The following RBPJ variants were observed in gnomAD, a reference collection of about 807,000 sequenced individuals.
RBPJ encodes the protein recombination signal binding protein for immunoglobulin kappa J region.
RBPJ carries 9 observed loss-of-function variants against 67.8 expected under a neutral mutation model. The ratio of observed to expected loss-of-function variants is 0.13; its 90% confidence interval spans 0.08 to 0.23. RBPJ has a LOEUF of 0.23. Among genes scored for constraint, RBPJ ranks in the 10% least tolerant of loss-of-function variants. The pLI, the probability that RBPJ is intolerant of heterozygous loss-of-function variation, is 1.00. For synonymous variants in RBPJ, 198 were observed against 203.3 expected (o/e 0.97, Z 0.22); for missense variants, 305 against 595.6 (o/e 0.51, Z 5.08).
intron 2 of RBPJ, among the ~76,000 whole-genome samples, chr4:26,393,841 A>T (rs984617183): frequency 7.1e-6 from 1 of 141,754 alleles, no homozygotes; most frequent in African/African-American, 2.8e-5. Flanking sequence ...TTTATTCCTT[A>T]AAAAAAAAAA....
chr4:26,142,180 A>T, the RBPJ span, among the ~76,000 whole-genome samples: 8 of 152,252 alleles, frequency 5.3e-5, no homozygotes, highest in African/African-American at 1.9e-4. Context: ...AGAAGTACAG[A>T]TGTGAGTAGT....
chr4:26,119,234 T>G, the RBPJ span, among the ~76,000 whole-genome samples: 1 of 152,154 alleles, frequency 6.6e-6, no homozygotes, highest in Admixed American at 6.5e-5. Flanking sequence ...TCACATCCAT[T>G]GTCTCATTTC....
At chr4:26,296,438 T>G (rs535573831) in intron 1 of RBPJ, among the ~76,000 whole-genome samples, 58 of 152,230 alleles carry the variant, frequency 3.8e-4, no homozygotes, top group African/African-American at 1.3e-3. Flanking sequence ...TAAGTTAGGG[T>G]GATATTAATC....
chr4:26,181,173 T>A (rs769902182), intron 1 of RBPJ, among the ~76,000 whole-genome samples: 21 of 152,340 alleles, frequency 1.4e-4, no homozygotes, highest in Non-Finnish European at 2.8e-4. Flanking sequence ...GGGAACAGAC[T>A]AATACCGTGT....
intron 1 of RBPJ, among the ~76,000 whole-genome samples, chr4:26,191,242 T>G (rs1178377013): frequency 0.013 from 774 of 58,508 alleles, no homozygotes; most frequent in South Asian, 0.02. Context: ...GAGAGAGAGA[T>G]AGAGAGAGAG....
At chr4:26,138,846 C>G in the RBPJ span, among the ~76,000 whole-genome samples, 3 of 152,220 alleles carry the variant, frequency 2.0e-5, no homozygotes, top group Non-Finnish European at 2.9e-5. Flanking sequence ...CAGTATATGA[C>G]TTCAGCTTGT....
intron 1 of RBPJ, among the ~76,000 whole-genome samples, chr4:26,341,376 A>C (rs1035658194): frequency 6.6e-6 from 1 of 152,212 alleles, no homozygotes; most frequent in Non-Finnish European, 1.5e-5. Flanking sequence ...GCACTTTGGG[A>C]GGCTGAGGCA....
chr4:26,297,717 A>C (rs907478537), intron 1 of RBPJ, among the ~76,000 whole-genome samples: 1 of 152,096 alleles, frequency 6.6e-6, no homozygotes, highest in Non-Finnish European at 1.5e-5. Flanking sequence ...AAGAAAGAAA[A>C]AGAAAAAAGA....
At chr4:26,241,143 G>T (rs1313810830) in intron 1 of RBPJ, among the ~76,000 whole-genome samples, 2 of 151,198 alleles carry the variant, frequency 1.3e-5, no homozygotes, top group Admixed American at 6.6e-5. Context: ...GTTGCAGTGA[G>T]CCAAGGTCGC....
intron 1 of RBPJ, among the ~76,000 whole-genome samples, chr4:26,214,533 A>AT (rs1718562750): frequency 1.3e-5 from 1 of 77,226 alleles, no homozygotes; most frequent in Non-Finnish European, 2.4e-5. Flanking sequence ...GGGAAGGAGG[A>AT]AGGGAGGGAG....
the RBPJ span, among the ~76,000 whole-genome samples, chr4:26,132,452 C>G: frequency 9.2e-6 from 1 of 109,152 alleles, no homozygotes; most frequent in South Asian, 3.3e-4. Flanking sequence ...GCACCTGCTC[C>G]TCCCAGAGCT....
chr4:26,389,533 C>T (rs1296498595), intron 2 of RBPJ, among the ~76,000 whole-genome samples: 1 of 146,608 alleles, frequency 6.8e-6, no homozygotes, highest in Non-Finnish European at 1.5e-5. Flanking sequence ...GCCTTAGCTA[C>T]AGTGTTAAAA....
intron 1 of RBPJ, among the ~76,000 whole-genome samples, chr4:26,180,676 T>G (rs765261710): frequency 6.6e-6 from 1 of 152,230 alleles, no homozygotes; most frequent in Non-Finnish European, 1.5e-5. Flanking sequence ...CCTTGGAGAT[T>G]AGCATTTCAA....
chr4:26,156,677 ACTCCTGAC>A, the RBPJ span, among the ~76,000 whole-genome samples: 1 of 149,932 alleles, frequency 6.7e-6, no homozygotes, highest in African/African-American at 2.4e-5. Flanking sequence ...CTGGTCTTGA[ACTCCTGAC>A]CTCCGGTGAT....
chr4:26,362,666 G>A, intron 1 of RBPJ: 1 of 1,534,854 alleles, frequency 6.5e-7, no homozygotes, highest in East Asian at 2.2e-5. Flanking sequence ...CCAAGGTCAT[G>A]GATAGAATGA....
At chr4:26,172,803 G>A (rs1326332814) in intron 1 of RBPJ, among the ~76,000 whole-genome samples, 1 of 152,160 alleles carries the variant, frequency 6.6e-6, no homozygotes, top group Non-Finnish European at 1.5e-5. Context: ...GAGAACTGAG[G>A]TTGAGAGAAG....
chr4:26,336,732 G>GT (rs1470041040), intron 1 of RBPJ, among the ~76,000 whole-genome samples: 2 of 151,668 alleles, frequency 1.3e-5, no homozygotes, highest in African/African-American at 4.8e-5. Flanking sequence ...ATATGGGTAG[G>GT]TTTTTCTCTT....
chr4:26,139,373 G>A, the RBPJ span, among the ~76,000 whole-genome samples: 3 of 152,250 alleles, frequency 2.0e-5, no homozygotes, highest in Admixed American at 2.0e-4. Context: ...GGACCAGTGG[G>A]TTGGGTACTG....
At chr4:26,251,492 C>T (rs1470946013) in intron 1 of RBPJ, among the ~76,000 whole-genome samples, 2 of 151,842 alleles carry the variant, frequency 1.3e-5, no homozygotes, top group Non-Finnish European at 2.9e-5. Context: ...AAAAATTAGC[C>T]AGTGTGGTGT....
Sources: gnomAD v4.1 joint callset for allele counts (sites outside exome capture counted in the v4.1 genomes callset) on GRCh38, gnomAD v4.1.1 for gene constraint, MANE v1.5 for transcripts, NCBI Gene and HGNC (gene_info 2026-07-23, HGNC 2026-07-21) for gene names.